The following FDX2 variants were observed in gnomAD, a reference collection of about 807,000 sequenced individuals.
The protein encoded by FDX2 is ferredoxin 2.
In FDX2, 13 loss-of-function variants were observed where a neutral mutation model predicts 18.5. That is an observed-to-expected ratio of 0.70 (90% CI 0.46 to 1.12). The LOEUF (loss-of-function observed/expected upper bound fraction) is 1.12, where lower values mean the gene tolerates loss of function less well. Ranked by LOEUF, FDX2 falls within the 50% of genes most tolerant of loss-of-function variation. The pLI, the probability that FDX2 is intolerant of heterozygous loss-of-function variation, is 0.00. For missense variants in FDX2, 238 were observed against 250.4 expected, an observed-to-expected ratio of 0.95 and a Z score of 0.34; for synonymous variants, 132 against 106.2, an observed-to-expected ratio of 1.24 and a Z score of -1.49.
intron 3 of FDX2, among the ~76,000 whole-genome samples, chr19:10,311,486 C>T (rs1164117606): frequency 6.6e-6 from 1 of 151,864 alleles, no homozygotes; most frequent in Admixed American, 6.6e-5. Context: ...CAAGCTCTGC[C>T]TCCCGGGTTC....
In FDX2 at chr19:10,315,933, T is replaced by C. The variant is rs1256564935; in HGVS notation, c.73A>G (p.Thr25Ala). Residue 25 changes from threonine (T) to alanine (A), a missense_variant, in exon 1 of 5, where the codon ACC (threonine) becomes GCC (alanine). By Grantham distance (58) the Thr-to-Ala change is moderately conservative. Transcript: ENST00000393708. ...GTGCCCCCAGGTCTGTTCCACCAGGTGCCCCTGGCAGCCTGCAGTAGAACC... is the reference window on the plus strand; with the variant it reads ...GTGCCCCCAGGTCTGTTCCACCAGGCGCCCCTGGCAGCCTGCAGTAGAACC... 1 of 1,576,742 alleles carries C rather than the reference T, an allele frequency of 6.3e-7. No homozygotes were observed. Among genetic ancestry groups the C allele is most frequent in the African/African-American group, 1.4e-5 (1 of 72,244 alleles).
intron 3 of FDX2, 59 bp downstream of exon 3, chr19:10,315,327 T>G: frequency 3.0e-6 from 3 of 1,009,948 alleles, no homozygotes; most frequent in Admixed American, 3.0e-5. Context: ...GGGTTTTTTT[T>G]TTTTTTTTTT....
intron 3 of FDX2, among the ~76,000 whole-genome samples, chr19:10,314,730 G>C (rs1478323965): frequency 6.6e-6 from 1 of 152,212 alleles, no homozygotes; most frequent in Non-Finnish European, 1.5e-5. Flanking sequence ...TGTTTGCTGG[G>C]AAAGCACTTC....
At chr19:10,312,780 G>A (rs1050264167) in intron 3 of FDX2, among the ~76,000 whole-genome samples, 1 of 151,872 alleles carries the variant, frequency 6.6e-6, no homozygotes, top group African/African-American at 2.4e-5. Context: ...CTCGTGATCC[G>A]CTCGCCTCAG....
At chr19:10,311,050 C>T (rs2040319098) in intron 3 of FDX2, 110 bp from the exon 4 acceptor site, 1 of 697,296 alleles carries the variant, frequency 1.4e-6, no homozygotes. Flanking sequence ...CCTCACGTCT[C>T]CCTCCTGGGC....
intron 1 of FDX2, 39 bp from the exon 2 acceptor site, chr19:10,315,798 C>T (rs761214608): frequency 1.2e-6 from 2 of 1,600,468 alleles, no homozygotes; most frequent in Non-Finnish European, 1.7e-6. Context: ...CGCCGAGCCC[C>T]GCCCCGCCGG....
In FDX2 at chr19:10,315,724, G is replaced by C; in HGVS notation, c.190C>G (p.Pro64Ala). The C allele has an allele frequency of 6.4e-7, 1 of 1,556,778 alleles. No individual in the cohort carries two copies. Among genetic ancestry groups the C allele is most frequent in the Non-Finnish European group, 8.7e-7 (1 of 1,151,696 alleles). The change falls in exon 2 of 5, where the codon CCG becomes GCG. Residue 64 changes from proline to alanine, a missense_variant. Transcript: ENST00000393708. ...ACTCACACGTCCCCGGGCCGCTCCG[G>C]GCCGCCCGCGTCCTCCTCTCCAGCC...
chr19:10,313,926 C>T (rs1386028818), intron 3 of FDX2, among the ~76,000 whole-genome samples: 7 of 150,636 alleles, frequency 4.6e-5, no homozygotes, highest in Admixed American at 1.3e-4. Context: ...CCTCGTGATC[C>T]GCCCGCCTCG....
chr19:10,310,209 G>T lies in FDX2; in HGVS notation c.*277C>A. On this transcript the variant is annotated 3_prime_UTR_variant, in exon 5 of 5. Transcript: ENST00000393708. ...TCTGTCCCCCAAGGACACTCAACATGCTGGGGCCTGTGTTATCGATTTATT... is the reference window on the plus strand; with the variant it reads ...TCTGTCCCCCAAGGACACTCAACATTCTGGGGCCTGTGTTATCGATTTATT... The T allele has an allele frequency of 2.1e-6, 1 of 481,200 alleles. No individual in the cohort carries two copies. Among genetic ancestry groups the T allele is most frequent in the East Asian group, 3.7e-5 (1 of 27,230 alleles). The allele number at this position is 481,200 out of a possible 1,614,324, so 29.8% of individuals were successfully genotyped here.
intron 3 of FDX2, 136 bp downstream of exon 3, chr19:10,315,250 G>C (rs922857866): frequency 7.6e-6 from 5 of 661,746 alleles, no homozygotes; most frequent in African/African-American, 1.8e-5. Context: ...ATGAGGCCAT[G>C]GTGAGGGGTT....
chr19:10,315,434 C>T lies in FDX2; in HGVS notation c.268G>A (p.Gly90Arg). The change falls in exon 3 of 5, where the codon GGG (glycine) becomes AGG (arginine). Residue 90 changes from glycine (G) to arginine (R), a missense_variant. Gly to Arg is a moderately radical substitution (Grantham distance 125, BLOSUM62 -2). Coordinates refer to ENST00000393708, the MANE Select transcript of FDX2 (RefSeq NM_001031734.4). ...TGGGCCAGGTGAAGAACATTGTCCC[C>T]GACTCTGCCACTCACTGGGATCCGC... is the stretch of plus-strand genomic sequence containing the variant. The T allele has an allele frequency of 1.2e-6, 2 of 1,613,516 alleles. No homozygotes were observed. Among genetic ancestry groups the T allele is most frequent in the East Asian group, 4.5e-5 (2 of 44,850 alleles).
At position 10,310,182 on chromosome 19, in the gene FDX2, G is replaced by C. The variant is rs935790728; in HGVS notation, c.*304C>G. The C allele has an allele frequency of 9.9e-6, 4 of 405,126 alleles. No homozygotes were observed. In the East Asian group the frequency reaches 1.9e-4, roughly 19 times the overall value. 25.1% of individuals were successfully genotyped at this position (405,126 alleles called of 1,614,324 possible). A position where few individuals can be genotyped will look rare whatever the true frequency, so the allele number is the denominator to read the frequency against. ...AGGTGTGAGCCACCTGTAGACCCCA[G>C]ATCTGTCCCCCAAGGACACTCAACA... On this transcript the variant is annotated 3_prime_UTR_variant, in exon 5 of 5. Transcript: ENST00000393708.
rs749199027 is a variant in FDX2, at chr19:10,315,988, G to A, written c.18C>T (p.Ala6=). Residue 6 remains alanine (A), a synonymous_variant, in exon 1 of 5, where the codon GCC becomes GCT. Coordinates refer to ENST00000393708, the MANE Select transcript of FDX2 (RefSeq NM_001031734.4). ...CACTCACGCCTCCCCGGGCCATGGA[G>A]GCGGCCATGACATGCATCACGTGAC... The A allele has an allele frequency of 3.7e-6, 6 of 1,604,488 alleles. No individual in the cohort carries two copies. Among genetic ancestry groups the A allele is most frequent in the Non-Finnish European group, 4.2e-6 (5 of 1,177,634 alleles).
rs1366360863 is a variant in FDX2 at position 10,310,995 on chromosome 19, G to C, written c.317-55C>G. The C allele has an allele frequency of 8.1e-6, 11 of 1,359,562 alleles. No homozygotes were observed. The Admixed American group carries it at 2.1e-4, about 25-fold the overall frequency. 84.2% of individuals were successfully genotyped at this position (1,359,562 alleles called of 1,614,324 possible). A position where few individuals can be genotyped will look rare whatever the true frequency, so the allele number is the denominator to read the frequency against. ...TGAGTGGCAGAGTCAGGAAGGGGCT[G>C]CTATGCGAATGGCGTAGAGGAGTAG... is the stretch of plus-strand genomic sequence containing the variant. On this transcript the variant is annotated intron_variant, in intron 3 of 4. Coordinates refer to ENST00000393708, the MANE Select transcript of FDX2 (RefSeq NM_001031734.4).
chr19:10,310,830 C>A (rs2040316348), intron 4 of FDX2, 23 bp downstream of exon 4: 1 of 1,610,426 alleles, frequency 6.2e-7, no homozygotes, highest in African/African-American at 1.3e-5. Context: ...AAGCTGCCAG[C>A]TAGACAGGGC....
At chr19:10,310,731 A>C in intron 4 of FDX2, 89 bp from the exon 5 acceptor site, 5 of 980,196 alleles carry the variant, frequency 5.1e-6, no homozygotes, top group South Asian at 3.4e-5. Context: ...AAGCTGACTG[A>C]GCGCAGGGGG....
intron 3 of FDX2, among the ~76,000 whole-genome samples, chr19:10,312,564 G>A (rs1015373788): frequency 2.0e-5 from 3 of 151,780 alleles, no homozygotes; most frequent in East Asian, 2.0e-4. Context: ...ATGGAGTCCC[G>A]CTCTGTTGCC....
intron 3 of FDX2, among the ~76,000 whole-genome samples, chr19:10,311,800 A>G (rs1383450688): frequency 6.9e-6 from 1 of 144,436 alleles, no homozygotes; most frequent in East Asian, 2.1e-4. Context: ...TCCCGGCTCA[A>G]GCGATCCTCC....
intron 3 of FDX2, among the ~76,000 whole-genome samples, chr19:10,312,532 C>G (rs2040334944): frequency 6.6e-6 from 1 of 151,830 alleles, no homozygotes; most frequent in African/African-American, 2.4e-5. Context: ...CTTTGTTTTC[C>G]TTTGTAATTT....
Sources: gnomAD v4.1 joint callset for allele counts (sites outside exome capture counted in the v4.1 genomes callset) on GRCh38, gnomAD v4.1.1 for gene constraint, MANE v1.5 for transcripts, NCBI Gene and HGNC (gene_info 2026-07-23, HGNC 2026-07-21) for gene names.